DLGAP1: variants seen among roughly 807,000 people sequenced by gnomAD.
The protein encoded by DLGAP1 is DLG associated protein 1.
In DLGAP1, 11 loss-of-function variants were observed where a neutral mutation model predicts 90.8. That is an observed-to-expected ratio of 0.12 (90% CI 0.08 to 0.20). The LOEUF (loss-of-function observed/expected upper bound fraction) is 0.20. Ranked by LOEUF, DLGAP1 falls within the 10% of genes least tolerant of loss-of-function variation. The pLI, the probability that DLGAP1 is intolerant of heterozygous loss-of-function variation, is 1.00. For synonymous variants in DLGAP1, 558 were observed against 540.7 expected (o/e 1.03, Z -0.44); for missense variants, 1,050 against 1,333.8 (o/e 0.79, Z 3.31).
At chr18:3,847,383 C>A (rs1180939479) in intron 4 of DLGAP1, among the ~76,000 whole-genome samples, 2 of 152,098 alleles carry the variant, frequency 1.3e-5, no homozygotes, top group Non-Finnish European at 2.9e-5. Flanking sequence ...TCTCAAGAAC[C>A]ACCTGTGCCG....
At chr18:3,854,795 G>A (rs2069536567) in intron 4 of DLGAP1, among the ~76,000 whole-genome samples, 1 of 152,166 alleles carries the variant, frequency 6.6e-6, no homozygotes, top group Non-Finnish European at 1.5e-5. Context: ...CTGAGTGTGA[G>A]GCAGCCTGAC....
At chr18:3,568,025 A>C (rs1220720321) in intron 8 of DLGAP1, among the ~76,000 whole-genome samples, 1 of 152,034 alleles carries the variant, frequency 6.6e-6, no homozygotes, top group Non-Finnish European at 1.5e-5. Flanking sequence ...CAGCCTCCCG[A>C]ATAGCTGAGA....
At chr18:3,599,162 G>T (rs1568273641) in intron 7 of DLGAP1, among the ~76,000 whole-genome samples, 1 of 152,230 alleles carries the variant, frequency 6.6e-6, no homozygotes, top group Non-Finnish European at 1.5e-5. Context: ...AGGAACCTGT[G>T]AAGTCAGTAC....
intron 1 of DLGAP1, among the ~76,000 whole-genome samples, chr18:4,169,872 G>C (rs74343487): frequency 0.01 from 1,541 of 152,270 alleles, 26 homozygotes; most frequent in African/African-American, 0.03. Context: ...TTAGGAATCA[G>C]AGCCTGAGTC....
chr18:4,352,518 T>C (rs1157964568), intron 1 of DLGAP1, among the ~76,000 whole-genome samples: 1 of 152,148 alleles, frequency 6.6e-6, no homozygotes, highest in African/African-American at 2.4e-5. Context: ...ATGAAGTGGC[T>C]TTCTGTAAAC....
At position 4,271,599 on chromosome 18, in the gene DLGAP1, G is replaced by C. The variant is rs564712703; in HGVS notation, c.-266-120312C>G. On this transcript the variant is annotated intron_variant, in intron 1 of 12. Coordinates refer to ENST00000315677, the MANE Select transcript of DLGAP1 (RefSeq NM_004746.4). ...ACTAAACATTATTTAATCTTTTCTTGATGGTTCAATATTATCATTGTAGAC... is the reference window on the plus strand; with the variant it reads ...ACTAAACATTATTTAATCTTTTCTTCATGGTTCAATATTATCATTGTAGAC... Among the ~76,000 whole-genome samples, 3 of 152,170 alleles carry C rather than the reference G, an allele frequency of 2.0e-5. No individual in the cohort carries two copies. In the South Asian group the frequency reaches 6.2e-4, roughly 32 times the overall value.
intron 8 of DLGAP1, 45 bp downstream of exon 8, chr18:3,581,830 T>C: frequency 1.3e-6 from 2 of 1,595,604 alleles, no homozygotes; most frequent in Non-Finnish European, 1.7e-6. Flanking sequence ...TTACATTCCT[T>C]AGTTTTAAGT....
intron 4 of DLGAP1, among the ~76,000 whole-genome samples, chr18:3,873,188 C>A (rs750394032): frequency 2.6e-5 from 4 of 151,718 alleles, no homozygotes; most frequent in Non-Finnish European, 5.9e-5. Flanking sequence ...TTGGACCTGA[C>A]AATAGTGAGA....
At chr18:3,833,702 G>A (rs1224662482) in intron 4 of DLGAP1, among the ~76,000 whole-genome samples, 3 of 152,126 alleles carry the variant, frequency 2.0e-5, no homozygotes, top group Admixed American at 1.3e-4. Flanking sequence ...TAGGACTTCT[G>A]AACTGATTTC....
At chr18:3,755,723 T>A (rs910616011) in intron 5 of DLGAP1, among the ~76,000 whole-genome samples, 3 of 152,214 alleles carry the variant, frequency 2.0e-5, no homozygotes, top group Non-Finnish European at 4.4e-5. Flanking sequence ...CAATAGTAGT[T>A]AGACACTTCA....
At chr18:3,999,989 T>C (rs1415419462) in intron 3 of DLGAP1, among the ~76,000 whole-genome samples, 1 of 152,206 alleles carries the variant, frequency 6.6e-6, no homozygotes, top group South Asian at 2.1e-4. Flanking sequence ...TTTAAAAATG[T>C]TTTTGTAGGG....
At chr18:4,185,183 T>G (rs1044140178) in intron 1 of DLGAP1, among the ~76,000 whole-genome samples, 2 of 152,074 alleles carry the variant, frequency 1.3e-5, no homozygotes, top group Non-Finnish European at 2.9e-5. Context: ...TTTTTAAAAT[T>G]AGCTTTAATA....
chr18:4,105,335 A>G (rs897579976), intron 2 of DLGAP1, among the ~76,000 whole-genome samples: 10 of 152,216 alleles, frequency 6.6e-5, no homozygotes, highest in African/African-American at 2.4e-4. Context: ...CCGTGCACAC[A>G]TGCCCAGGAA....
At chr18:4,132,340 T>A (rs1012508809) in intron 2 of DLGAP1, among the ~76,000 whole-genome samples, 32 of 152,134 alleles carry the variant, frequency 2.1e-4, no homozygotes, top group African/African-American at 6.5e-4. Flanking sequence ...ACAGGGTAAA[T>A]TCATGATTGG....
intron 1 of DLGAP1, among the ~76,000 whole-genome samples, chr18:4,382,585 G>A (rs1368743139): frequency 6.6e-6 from 1 of 151,186 alleles, no homozygotes; most frequent in Non-Finnish European, 1.5e-5. Context: ...AAATCTGGAG[G>A]ACAATCAGTT....
intron 1 of DLGAP1, among the ~76,000 whole-genome samples, chr18:4,204,867 C>T (rs950378933): frequency 7.5e-6 from 1 of 133,148 alleles, no homozygotes; most frequent in Non-Finnish European, 1.6e-5. Flanking sequence ...CTGAGGTGAG[C>T]CTTTTCCCAA....
Position 3,502,502 on chromosome 18 carries a change from A to G in DLGAP1, c.2715T>C (p.Leu905=). ...ATCTACATTGTTCTACCTTCTTGTC[A>G]AGAGGATCCATCTGTTTCCAATTAT... The part of the protein sequence containing the change: ...KANNWKQMDP[L]DKKERRAPPP... Residue 905 remains leucine (L), a synonymous_variant, in exon 12 of 13, where the codon CTT becomes CTC. Transcript: ENST00000315677. 1 of 1,614,150 alleles carries G rather than the reference A, an allele frequency of 6.2e-7. No homozygotes were observed. Among genetic ancestry groups the G allele is most frequent in the Non-Finnish European group, 8.5e-7 (1 of 1,180,036 alleles).
intron 1 of DLGAP1, among the ~76,000 whole-genome samples, chr18:4,181,507 T>C (rs934343768): frequency 1.3e-5 from 2 of 152,190 alleles, no homozygotes; most frequent in African/African-American, 2.4e-5. Context: ...TCAATACCTC[T>C]GTGAACAAGG....
At chr18:4,421,720 T>C (rs1229617098) in intron 1 of DLGAP1, among the ~76,000 whole-genome samples, 1 of 152,134 alleles carries the variant, frequency 6.6e-6, no homozygotes, top group Non-Finnish European at 1.5e-5. Flanking sequence ...TTATTTTTAT[T>C]TTTTGGGGGA....
Sources: gnomAD v4.1 joint callset for allele counts (sites outside exome capture counted in the v4.1 genomes callset) on GRCh38, gnomAD v4.1.1 for gene constraint, MANE v1.5 for transcripts, NCBI Gene and HGNC (gene_info 2026-07-23, HGNC 2026-07-21) for gene names.